Variants in TTC28 observed in about 807,000 individuals in gnomAD.
TTC28 encodes the protein tetratricopeptide repeat domain 28.
TTC28 carries 61 observed loss-of-function variants against 198.0 expected under a neutral mutation model. That is an observed-to-expected ratio of 0.31 (90% confidence interval 0.25 to 0.38). TTC28 has a LOEUF of 0.38. Among genes scored for constraint, TTC28 ranks in the 10% least tolerant of loss-of-function variants. The probability of loss-of-function intolerance (pLI) is 1.00; values close to 1 mark genes in which losing one functional copy is unlikely to be tolerated. For missense variants in TTC28, 2,678 were observed against 3,164.0 expected (o/e 0.85, Z 3.69); for synonymous variants, 1,171 against 1,297.8 (o/e 0.90, Z 2.10).
intron 12 of TTC28, among the ~76,000 whole-genome samples, chr22:28,056,648 A>C (rs1940302846): frequency 6.6e-6 from 1 of 152,306 alleles, no homozygotes; most frequent in East Asian, 1.9e-4. Flanking sequence ...TACAATAAAA[A>C]ATATAAATAA....
intron 3 of TTC28, among the ~76,000 whole-genome samples, chr22:28,304,203 T>A (rs950537177): frequency 1.3e-5 from 2 of 151,498 alleles, no homozygotes; most frequent in East Asian, 3.9e-4. Flanking sequence ...GAGAATGGCG[T>A]GAACCCGGGA....
At chr22:28,095,553 C>A (rs758840400) in intron 11 of TTC28, among the ~76,000 whole-genome samples, 1 of 152,152 alleles carries the variant, frequency 6.6e-6, no homozygotes, top group Admixed American at 6.5e-5. Context: ...GTGTCTCCAA[C>A]TTGGTAAAGC....
intron 5 of TTC28, among the ~76,000 whole-genome samples, chr22:28,280,886 T>G (rs569180554): frequency 6.6e-6 from 1 of 152,286 alleles, no homozygotes; most frequent in South Asian, 2.1e-4. Flanking sequence ...TGACAGATTT[T>G]TTTTTCTTTC....
chr22:28,169,823 TAATAAAATAA>T (rs757899990), intron 5 of TTC28, among the ~76,000 whole-genome samples: 36 of 151,512 alleles, frequency 2.4e-4, no homozygotes, highest in African/African-American at 6.5e-4. Flanking sequence ...AGTATAATAA[TAATAAAATAA>T]AATAAAATAA....
intron 12 of TTC28, among the ~76,000 whole-genome samples, chr22:28,075,327 C>T (rs1410394190): frequency 1.3e-5 from 2 of 152,114 alleles, no homozygotes; most frequent in African/African-American, 4.8e-5. Flanking sequence ...TACAGTGTGT[C>T]CACTCATTCC....
chr22:28,485,673 A>C (rs891718355), intron 2 of TTC28, among the ~76,000 whole-genome samples: 1 of 152,174 alleles, frequency 6.6e-6, no homozygotes, highest in Non-Finnish European at 1.5e-5. Context: ...CTAAAATCCT[A>C]CTTTTTCAGA....
At chr22:28,225,349 T>A (rs1489472511) in intron 5 of TTC28, among the ~76,000 whole-genome samples, 2 of 137,324 alleles carry the variant, frequency 1.5e-5, no homozygotes, top group African/African-American at 5.7e-5. Context: ...AGTGAGAGAT[T>A]CTGTTAAAAA....
chr22:28,371,881 CA>C (rs55908260), intron 2 of TTC28, among the ~76,000 whole-genome samples: 135,226 of 147,474 alleles, frequency 0.92, 62,078 homozygotes, highest in East Asian at 0.99. Flanking sequence ...CACCCAGCCC[CA>C]AAAAAAAAAA....
intron 6 of TTC28, among the ~76,000 whole-genome samples, 157 bp from the exon 7 acceptor site, chr22:28,108,560 CCA>C (rs1942393546): frequency 6.6e-6 from 1 of 151,998 alleles, no homozygotes; most frequent in Non-Finnish European, 1.5e-5. Context: ...TATCAGCTCT[CCA>C]CAGAGAGGAT....
chr22:28,006,595 C>T (rs1459258570), intron 14 of TTC28: 1 of 152,278 alleles, frequency 6.6e-6, no homozygotes, highest in African/African-American at 2.4e-5. Flanking sequence ...AGACAGAGGT[C>T]GTCACATCCC....
In TTC28 at chr22:28,108,228, C is replaced by A; in HGVS notation, c.1617G>T (p.Gln539His). Residue 539 changes from glutamine to histidine, a missense_variant, in exon 7 of 23, where the codon CAG becomes CAT. By Grantham distance (24) the Gln-to-His change is conservative. This residue lies in a region of TTC28 where 775 missense variants were observed against 845.9 expected (regional missense o/e 0.92). Coordinates refer to ENST00000397906, the MANE Select transcript of TTC28 (RefSeq NM_001145418.2). ...MYDQAVKYHR[Q>H]ELQISMEVND... ...TCACTTCCATGGAGATCTGCAGCTCCTGCCGATGGTATTTGACCGCCTGGT... is the reference window on the plus strand; with the variant it reads ...TCACTTCCATGGAGATCTGCAGCTCATGCCGATGGTATTTGACCGCCTGGT... 1 of 1,551,332 alleles carries A rather than the reference C, an allele frequency of 6.4e-7. No homozygotes were observed. The highest frequency in any genetic ancestry group is 8.7e-7 in the Non-Finnish European group (1 of 1,146,664).
chr22:27,981,230 ATTTTTTTTTTTT>A lies in TTC28; in HGVS notation c.*979_*990del, dbSNP rs138635. ...TGGTTAAATCTAGTTAGCCATGGAAATTTTTTTTTTTTTTTTTTTTTTTTTTTTTTTTTTTTT... is the reference window on the plus strand; with the variant it reads ...TGGTTAAATCTAGTTAGCCATGGAAATTTTTTTTTTTTTTTTTTTTTTTTT... On this transcript the variant is annotated 3_prime_UTR_variant, in exon 23 of 23. Transcript: ENST00000397906. 270 of 48,200 alleles carry A rather than the reference ATTTTTTTTTTTT, an allele frequency of 5.6e-3. No homozygotes were observed. Among genetic ancestry groups the A allele is most frequent in the South Asian group, 0.012 (12 of 1,036 alleles). The allele number at this position is 48,200 out of a possible 1,614,324, so 3.0% of individuals were successfully genotyped here.
chr22:28,513,409 T>C (rs2048722047), intron 2 of TTC28, among the ~76,000 whole-genome samples: 1 of 152,132 alleles, frequency 6.6e-6, no homozygotes, highest in African/African-American at 2.4e-5. Context: ...CTTTTTCTAA[T>C]CCAAAAAGCA....
intron 2 of TTC28, among the ~76,000 whole-genome samples, chr22:28,497,226 G>A (rs886737714): frequency 6.6e-6 from 1 of 152,046 alleles, no homozygotes; most frequent in African/African-American, 2.4e-5. Flanking sequence ...ATCTGCTTGT[G>A]CACAGCTATA....
chr22:28,326,214 A>G (rs933333814), intron 2 of TTC28, among the ~76,000 whole-genome samples: 3 of 152,196 alleles, frequency 2.0e-5, no homozygotes, highest in South Asian at 4.1e-4. Flanking sequence ...TATGCTGAGT[A>G]AAAGAAGTCA....
At chr22:28,276,824 T>C (rs985262783) in intron 5 of TTC28, among the ~76,000 whole-genome samples, 4 of 152,214 alleles carry the variant, frequency 2.6e-5, no homozygotes, top group Non-Finnish European at 5.9e-5. Context: ...ATTCTGCTTA[T>C]AAATTCTGAT....
At chr22:28,460,410 A>T (rs956095431) in intron 2 of TTC28, among the ~76,000 whole-genome samples, 5 of 152,000 alleles carry the variant, frequency 3.3e-5, no homozygotes, top group Non-Finnish European at 7.4e-5. Context: ...CCTCTTTTTC[A>T]TACACTCCCT....
chr22:28,332,766 A>G (rs1193095840), intron 2 of TTC28, among the ~76,000 whole-genome samples: 2 of 152,136 alleles, frequency 1.3e-5, no homozygotes, highest in Admixed American at 6.5e-5. Context: ...CCTTTGCAAG[A>G]TATCTTTTTT....
intron 2 of TTC28, among the ~76,000 whole-genome samples, chr22:28,501,304 C>G (rs1212959207): frequency 6.6e-6 from 1 of 151,880 alleles, no homozygotes; most frequent in African/African-American, 2.4e-5. Flanking sequence ...GACTCTGGAG[C>G]CTGTTATTAA....
Sources: gnomAD v4.1 joint callset for allele counts (sites outside exome capture counted in the v4.1 genomes callset) on GRCh38, gnomAD v4.1.1 for gene constraint, gnomAD v4.1.1 regional missense constraint, MANE v1.5 for transcripts, NCBI Gene and HGNC (gene_info 2026-07-23, HGNC 2026-07-21) for gene names.